Variants in XPO6 observed in about 807,000 individuals in gnomAD.
The protein encoded by XPO6 is exportin 6, also known as exportin-6.
A neutral mutation model predicts 130.0 loss-of-function variants in XPO6; 3 were observed. The observed-to-expected ratio is 0.02, with a 90% CI of 0.01 to 0.06. The LOEUF (loss-of-function observed/expected upper bound fraction) is 0.06, where lower values mean the gene tolerates loss of function less well. Among genes scored for constraint, XPO6 ranks in the 10% least tolerant of loss-of-function variants. XPO6 has a pLI of 1.00. For missense variants in XPO6, 970 were observed against 1,393.0 expected, an observed-to-expected ratio of 0.70 and a Z score of 4.83; for synonymous variants, 524 against 548.9, an observed-to-expected ratio of 0.95 and a Z score of 0.63.
intron 7 of XPO6, chr16:28,154,751 G>C (rs1274815899): frequency 6.6e-6 from 1 of 152,116 alleles, no homozygotes; most frequent in Non-Finnish European, 1.5e-5. Flanking sequence ...AAAGTTGTCT[G>C]TGACTACATT....
chr16:28,197,852 G>T (rs1241582309), intron 1 of XPO6, among the ~76,000 whole-genome samples: 1 of 143,986 alleles, frequency 6.9e-6, no homozygotes, highest in African/African-American at 2.5e-5. Context: ...CCGGGAGGCG[G>T]AGGTTACAGT....
At chr16:28,162,046 CA>C (rs1246985011) in intron 6 of XPO6, among the ~76,000 whole-genome samples, 3 of 152,068 alleles carry the variant, frequency 2.0e-5, no homozygotes, top group African/African-American at 7.2e-5. Context: ...CATAGAAAGA[CA>C]AATATGTGAA....
intron 1 of XPO6, among the ~76,000 whole-genome samples, chr16:28,182,693 T>A (rs930745214): frequency 6.6e-6 from 1 of 152,136 alleles, no homozygotes; most frequent in African/African-American, 2.4e-5. Context: ...AACCCAAAAA[T>A]AAACTGAAAA....
intron 1 of XPO6, among the ~76,000 whole-genome samples, chr16:28,209,581 C>T (rs984414151): frequency 6.9e-6 from 1 of 144,820 alleles, no homozygotes; most frequent in Non-Finnish European, 1.5e-5. Flanking sequence ...CAGAAGTTGC[C>T]GTGAGCTGAG....
intron 8 of XPO6, among the ~76,000 whole-genome samples, chr16:28,150,734 C>G (rs2043071089): frequency 6.6e-6 from 1 of 152,174 alleles, no homozygotes; most frequent in Admixed American, 6.5e-5. Context: ...TCAGAACTGG[C>G]TCCTCAGCTC....
In XPO6 at chr16:28,176,045, T is replaced by C. The variant is rs1233918284; in HGVS notation, c.258A>G (p.Glu86=). 1 of 1,614,194 alleles carries C rather than the reference T, an allele frequency of 6.2e-7. No individual in the cohort carries two copies. Residue 86 remains glutamate (E), a synonymous_variant, in exon 4 of 24, where the codon GAA becomes GAG. Transcript: ENST00000304658. ...WLGVPSQDKM[E]IRSCLPKLLL... is the part of the protein sequence containing the mutation. ...GGAGTTTGGGCAGACAGCTACGGAT[T>C]TCCATCTTATCCTGAGATGGGACCC...
At chr16:28,104,953 C>T (rs1266433656) in intron 20 of XPO6, among the ~76,000 whole-genome samples, 4 of 152,208 alleles carry the variant, frequency 2.6e-5, no homozygotes, top group African/African-American at 9.6e-5. Context: ...GAGACATGGC[C>T]CACATTTGAG....
At chr16:28,121,612 T>G in intron 14 of XPO6, 58 bp downstream of exon 14, 1 of 1,257,414 alleles carries the variant, frequency 8.0e-7, no homozygotes, top group Non-Finnish European at 1.2e-6. Flanking sequence ...TCAAATTATT[T>G]GGAGATTGGG....
intron 20 of XPO6, among the ~76,000 whole-genome samples, chr16:28,105,510 C>T (rs987353128): frequency 6.6e-6 from 1 of 152,200 alleles, no homozygotes; most frequent in African/African-American, 2.4e-5. Flanking sequence ...AGACCTGTCC[C>T]AGTCTCAGTT....
intron 1 of XPO6, among the ~76,000 whole-genome samples, chr16:28,184,569 T>C (rs2043665163): frequency 1.4e-5 from 2 of 147,262 alleles, no homozygotes; most frequent in African/African-American, 2.5e-5. Context: ...GGAACTCATA[T>C]CAGAGCATAA....
At chr16:28,179,880 C>G (rs1394516031) in intron 2 of XPO6, among the ~76,000 whole-genome samples, 1 of 152,184 alleles carries the variant, frequency 6.6e-6, no homozygotes, top group Non-Finnish European at 1.5e-5. Context: ...AATTTGGCAT[C>G]TGGAGCATTT....
chr16:28,191,899 A>G (rs542735187), intron 1 of XPO6, among the ~76,000 whole-genome samples: 1 of 152,248 alleles, frequency 6.6e-6, no homozygotes, highest in South Asian at 2.1e-4. Flanking sequence ...GTGCTATTTA[A>G]GAGCAAGTCT....
chr16:28,136,868 T>A (rs2042789390), intron 9 of XPO6, among the ~76,000 whole-genome samples: 1 of 152,226 alleles, frequency 6.6e-6, no homozygotes, highest in African/African-American at 2.4e-5. Context: ...CAGTGCTGGT[T>A]AGTAAGCTCT....
At chr16:28,208,715 C>G (rs28676820) in intron 1 of XPO6, among the ~76,000 whole-genome samples, 151,524 of 152,304 alleles carry the variant, frequency 0.99, 75,382 homozygotes, top group Middle Eastern at 1. Flanking sequence ...AATGAAACCT[C>G]AATACAAGGG....
intron 1 of XPO6, among the ~76,000 whole-genome samples, chr16:28,188,947 C>T (rs2043740738): frequency 6.6e-6 from 1 of 151,972 alleles, no homozygotes; most frequent in African/African-American, 2.4e-5. Context: ...CATCCCAGCC[C>T]GTAGATATTT....
chr16:28,160,496 T>G lies in XPO6; in HGVS notation c.644-3969A>C, dbSNP rs1419585286. On this transcript the variant is annotated intron_variant, in intron 6 of 23. Coordinates refer to ENST00000304658, the MANE Select transcript of XPO6 (RefSeq NM_015171.4). ...TCTAGCCTGGATAACAAAGTGAGAC[T>G]CCATCACCAAAAAAAAAAAAAAAAT... 1.1e-3 allele frequency among the ~76,000 whole-genome samples: 60 copies of G among 56,452 alleles called. 1 individual carries two copies. In the Admixed American group the frequency reaches 0.011, roughly 11 times the overall value. 37.0% of individuals were successfully genotyped at this position (56,452 alleles called of 152,430 possible).
At chr16:28,130,914 G>C (rs991719681) in intron 12 of XPO6, among the ~76,000 whole-genome samples, 1 of 152,134 alleles carries the variant, frequency 6.6e-6, no homozygotes, top group Non-Finnish European at 1.5e-5. Flanking sequence ...GGGTCAGTGT[G>C]GGGGAGGAAA....
chr16:28,143,207 G>T (rs761920801), intron 9 of XPO6, among the ~76,000 whole-genome samples: 1 of 152,206 alleles, frequency 6.6e-6, no homozygotes, highest in Non-Finnish European at 1.5e-5. Context: ...GGGCAGGCAG[G>T]TAAACATCTG....
chr16:28,117,546 T>C lies in XPO6; in HGVS notation c.1860-84A>G. 4.0e-6 allele frequency: 6 copies of C among 1,483,760 alleles called. No individual in the cohort carries two copies. The South Asian group carries it at 4.9e-5, about 12-fold the overall frequency. 91.9% of individuals were successfully genotyped at this position (1,483,760 alleles called of 1,614,324 possible). ...AACTCATTTTCATAGGAGGTAAGAA[T>C]TGCATCCACTGCATTTGCTGTTCTA... On this transcript the variant is annotated intron_variant, in intron 14 of 23. Coordinates refer to ENST00000304658, the MANE Select transcript of XPO6 (RefSeq NM_015171.4).
Sources: gnomAD v4.1 joint callset for allele counts (sites outside exome capture counted in the v4.1 genomes callset) on GRCh38, gnomAD v4.1.1 for gene constraint, MANE v1.5 for transcripts, NCBI Gene and HGNC (gene_info 2026-07-23, HGNC 2026-07-21) for gene names.